The following GPRC5C variants were observed in gnomAD, a reference collection of about 807,000 sequenced individuals.
The protein encoded by GPRC5C is G protein-coupled receptor family C group 5 member C.
A neutral mutation model predicts 31.4 loss-of-function variants in GPRC5C; 22 were observed. The ratio of observed to expected loss-of-function variants is 0.70; its 90% CI spans 0.50 to 1.00. GPRC5C has a LOEUF of 1.00. Ranked by LOEUF, GPRC5C falls within the 50% of genes least tolerant of loss-of-function variation. The pLI is 0.00. For synonymous variants in GPRC5C, 249 were observed against 257.5 expected, an observed-to-expected ratio of 0.97 and a Z score of 0.32; for missense variants, 557 against 597.2, an observed-to-expected ratio of 0.93 and a Z score of 0.70.
chr17:74,449,142 G>GA (rs370498629), downstream of GPRC5C, among the ~76,000 whole-genome samples: 1,197 of 149,360 alleles, frequency 8.0e-3, 16 homozygotes, highest in African/African-American at 0.027. Flanking sequence ...AGGTTGCTGG[G>GA]AAAAAAAAAA....
At chr17:74,435,046 C>G (rs1384751741) in intron 1 of GPRC5C, among the ~76,000 whole-genome samples, 1 of 151,510 alleles carries the variant, frequency 6.6e-6, no homozygotes, top group Non-Finnish European at 1.5e-5. Context: ...GGTGAAACCC[C>G]GTCTCTACTA....
At chr17:74,449,515 C>T (rs1374440932), downstream of GPRC5C, 23 of 400,018 alleles carry the variant, frequency 5.7e-5, no homozygotes, top group South Asian at 6.1e-5. Context: ...AGTGGGCCCC[C>T]GTGAAGCCCT....
chr17:74,433,997 T>C (rs1006203247), intron 1 of GPRC5C, among the ~76,000 whole-genome samples: 1 of 152,176 alleles, frequency 6.6e-6, no homozygotes, highest in Non-Finnish European at 1.5e-5. Flanking sequence ...TCTGAGCCTC[T>C]GAGCCCACCA....
intron 1 of GPRC5C, among the ~76,000 whole-genome samples, chr17:74,437,604 C>T (rs2706508): frequency 2.1e-5 from 3 of 140,584 alleles, no homozygotes; most frequent in African/African-American, 6.1e-5. Context: ...AGTAAGTGTT[C>T]TTTCACATAA....
intron 3 of GPRC5C, chr17:74,445,403 C>G (rs1017863101): frequency 2.0e-5 from 3 of 152,758 alleles, no homozygotes; most frequent in Non-Finnish European, 4.4e-5. Context: ...CACTCCCTCC[C>G]CCAGCCCCAG....
At chr17:74,446,387 G>T (rs1337255248) in intron 3 of GPRC5C, 1 of 152,230 alleles carries the variant, frequency 6.6e-6, no homozygotes, top group African/African-American at 2.4e-5. Flanking sequence ...GGGAGGCAGA[G>T]TTTGCAGTTG....
chr17:74,443,638 G>GGCC (rs780090854), intron 2 of GPRC5C, 180 bp from the exon 3 acceptor site: 106 of 699,812 alleles, frequency 1.5e-4, no homozygotes, highest in Non-Finnish European at 2.5e-4. Flanking sequence ...CTTGGGAGGG[G>GGCC]GCCCCCGTGT....
intron 3 of GPRC5C, chr17:74,446,617 A>G: frequency 3.7e-6 from 2 of 542,336 alleles, no homozygotes; most frequent in Non-Finnish European, 6.6e-6. Context: ...CCCCAGCACC[A>G]TCCAAGGTCA....
rs377730836 is a variant in GPRC5C at position 74,440,486 on chromosome 17, G to A, written c.710G>A (p.Arg237His). ...AWPALCGRYKRWRKHGVFVLL... is the reference protein window; with the variant it reads ...AWPALCGRYKHWRKHGVFVLL... The stretch of plus-strand genomic sequence containing the variant: ...CCCGCCCTGTGTGGCCGCTACAAGC[G>A]CTGGCGTAAGCATGGGGTCTTTGTG... Residue 237 changes from arginine (R) to histidine (H), a missense_variant, in exon 2 of 4, where the codon CGC (arginine) becomes CAC (histidine). By Grantham distance (29) the Arg-to-His change is conservative (BLOSUM62 0). Transcript: ENST00000392627. This position sits in a 1 kb window ranked among gnomAD's most constrained non-coding sequence, Gnocchi z 4.4. 7.1e-5 allele frequency: 114 copies of A among 1,614,144 alleles called. No individual in the cohort carries two copies. Among genetic ancestry groups the A allele is most frequent in the East Asian group, 1.1e-4 (5 of 44,886 alleles).
chr17:74,447,201 A>C lies in GPRC5C; in HGVS notation c.*173A>C. ...TTGGGTGGGTGTCATGGGTGTCCCCACCCACTCCTCAGTGTTTGTGGAGTC... is the reference window on the plus strand; with the variant it reads ...TTGGGTGGGTGTCATGGGTGTCCCCCCCCACTCCTCAGTGTTTGTGGAGTC... On this transcript the variant is annotated 3_prime_UTR_variant, in exon 4 of 4. Transcript: ENST00000392627. The C allele has an allele frequency of 1.4e-6, 2 of 1,390,720 alleles. No homozygotes were observed. The allele number at this position is 1,390,720 out of a possible 1,614,324, so 86.1% of individuals were successfully genotyped here.
At chr17:74,444,576 A>C (rs183743142) in intron 3 of GPRC5C, among the ~76,000 whole-genome samples, 241 of 152,240 alleles carry the variant, frequency 1.6e-3, no homozygotes, top group Non-Finnish European at 2.4e-3. Context: ...AACAGGAAAC[A>C]AGGAGGTCAG....
downstream of GPRC5C, chr17:74,450,047 A>T (rs187866175): frequency 6.1e-3 from 934 of 152,620 alleles, 2 homozygotes; most frequent in Non-Finnish European, 9.7e-3. Flanking sequence ...TCTTCCACAA[A>T]GCAGTTTCCA....
At chr17:74,439,221 G>T (rs1165882833) in intron 1 of GPRC5C, among the ~76,000 whole-genome samples, 2 of 152,192 alleles carry the variant, frequency 1.3e-5, no homozygotes. Flanking sequence ...CTGGCTGTTG[G>T]TTATGCCTGC....
chr17:74,438,206 CATATAT>C (rs71157066), intron 1 of GPRC5C, among the ~76,000 whole-genome samples: 6,372 of 44,962 alleles, frequency 0.14, 443 homozygotes, highest in Non-Finnish European at 0.17. Context: ...TCTGCTAATT[CATATAT>C]ATATATATAT....
At chr17:74,435,090 G>T (rs1057404666) in intron 1 of GPRC5C, among the ~76,000 whole-genome samples, 2 of 151,602 alleles carry the variant, frequency 1.3e-5, no homozygotes, top group African/African-American at 4.8e-5. Context: ...GTGGTGGCGG[G>T]CGCCTGTAGT....
At chr17:74,439,296 G>A (rs948769667) in intron 1 of GPRC5C, among the ~76,000 whole-genome samples, 1 of 152,206 alleles carries the variant, frequency 6.6e-6, no homozygotes, top group Non-Finnish European at 1.5e-5. Context: ...TGTGGATTTA[G>A]GCCTCACAGG....
chr17:74,433,806 C>T (rs763786497), intron 1 of GPRC5C: 5 of 1,353,296 alleles, frequency 3.7e-6, no homozygotes, highest in Non-Finnish European at 4.2e-6. Context: ...GCTCTCTTTC[C>T]AGTGCGGTAT....
At chr17:74,438,460 C>T (rs755695585) in intron 1 of GPRC5C, among the ~76,000 whole-genome samples, 64 of 151,954 alleles carry the variant, frequency 4.2e-4, no homozygotes, top group Non-Finnish European at 7.4e-4. Context: ...GGGGTTTCAC[C>T]ATTTTGGCCG....
downstream of GPRC5C, chr17:74,449,857 C>T (rs2055696129): frequency 6.4e-6 from 1 of 156,084 alleles, no homozygotes; most frequent in African/African-American, 2.4e-5. Flanking sequence ...CAAGCCAGGG[C>T]AGAAGTTGGC....
Sources: allele counts gnomAD v4.1 joint callset (sites outside exome capture counted in the v4.1 genomes callset), GRCh38; gene constraint gnomAD v4.1.1; non-coding constraint Gnocchi (gnomAD v3.1); transcripts MANE v1.5; gene names NCBI Gene and HGNC (gene_info 2026-07-23, HGNC 2026-07-21).